The following TRANK1 variants were observed in gnomAD, a reference collection of about 807,000 sequenced individuals.
TRANK1 encodes tetratricopeptide repeat and ankyrin repeat containing 1.
TRANK1 carries 198 observed loss-of-function variants against 266.0 expected under a neutral mutation model. The ratio of observed to expected loss-of-function variants is 0.74; its 90% CI spans 0.66 to 0.84. The LOEUF (loss-of-function observed/expected upper bound fraction) is 0.84. Ranked by LOEUF, TRANK1 falls within the 40% of genes least tolerant of loss-of-function variation. The probability of loss-of-function intolerance (pLI) is 0.00; values close to 1 mark genes in which losing one functional copy is unlikely to be tolerated. For synonymous variants in TRANK1, 1,396 were observed against 1,384.1 expected, an observed-to-expected ratio of 1.01 and a Z score of -0.19; for missense variants, 3,326 against 3,634.6, an observed-to-expected ratio of 0.92 and a Z score of 2.18.
intron 1 of TRANK1, among the ~76,000 whole-genome samples, chr3:36,927,230 C>T (rs769891720): frequency 2.0e-5 from 3 of 149,162 alleles, no homozygotes; most frequent in Non-Finnish European, 4.5e-5. Flanking sequence ...CGTCCCTGGT[C>T]AGCAAGAAGG....
chr3:36,929,451 C>T (rs774750676), intron 1 of TRANK1: 6 of 152,130 alleles, frequency 3.9e-5, no homozygotes, highest in Non-Finnish European at 8.8e-5. Flanking sequence ...CAGGTACTAA[C>T]ATGAAAGTAA....
Position 36,833,740 on chromosome 3 carries a change from C to A in TRANK1, c.5843G>T (p.Arg1948Leu). 6.2e-7 allele frequency: 1 copy of A among 1,613,988 alleles called. No individual in the cohort carries two copies. The highest frequency in any genetic ancestry group is 8.5e-7 in the Non-Finnish European group (1 of 1,179,884). ...CAGCAGGTCTGCAGCTTCTGCTAAG[C>A]GTTTCCGAGACTTCAAGAACACCAG... is the stretch of plus-strand genomic sequence containing the variant. ...DQLVFLKSRK[R>L]LAEAADLLNR... Residue 1948 changes from arginine to leucine, a missense_variant, in exon 22 of 24, where the codon CGC becomes CTC. Coordinates refer to ENST00000645898, the MANE Select transcript of TRANK1 (RefSeq NM_001329998.2).
intron 5 of TRANK1, among the ~76,000 whole-genome samples, chr3:36,894,625 G>C (rs1446085539): frequency 1.3e-5 from 2 of 152,176 alleles, no homozygotes; most frequent in Non-Finnish European, 2.9e-5. Context: ...TGAACCCCCT[G>C]AAACTATACA....
intron 1 of TRANK1, 116 bp from the exon 2 acceptor site, chr3:36,908,570 T>C: frequency 8.1e-7 from 1 of 1,231,032 alleles, no homozygotes; most frequent in Non-Finnish European, 1.0e-6. Context: ...CCACCCACCT[T>C]CAAAGGGCAC....
intron 9 of TRANK1, among the ~76,000 whole-genome samples, chr3:36,870,962 T>TAAAAAA (rs563787088): frequency 3.4e-4 from 22 of 65,092 alleles, no homozygotes; most frequent in East Asian, 4.8e-4. Context: ...ACAAGGAAAC[T>TAAAAAA]AAAAAAAAAA....
chr3:36,832,647 G>C lies in TRANK1; in HGVS notation c.6936C>G (p.His2312Gln). ...GTGCGCTTTCATTTTCAAACAGAAA[G>C]TGGATGTACTCCTTCAAAGCAAATC... ...FYRFALKEYIHFLFENESARN... is the reference protein window; with the variant it reads ...FYRFALKEYIQFLFENESARN... The change falls in exon 22 of 24, where the codon CAC (histidine) becomes CAG (glutamine). Residue 2312 changes from histidine (H) to glutamine (Q), a missense_variant. Physicochemically the swap from His to Gln is conservative, Grantham distance 24 (BLOSUM62 0). Transcript: ENST00000645898. 1 of 1,613,974 alleles carries C rather than the reference G, an allele frequency of 6.2e-7. No homozygotes were observed. The highest frequency in any genetic ancestry group is 8.5e-7 in the Non-Finnish European group (1 of 1,179,890).
At position 36,857,305 on chromosome 3, in the gene TRANK1, C is replaced by T. The variant is rs764455555; in HGVS notation, c.2417G>A (p.Arg806Lys). Reference protein sequence around the residue: ...GALQLVPDDNRGKEGNDDQDD... With the variant: ...GALQLVPDDNKGKEGNDDQDD... ...CTGATCATCATTGCCCTCCTTCCCC[C>T]TGTTATCATCAGGCACAAGCTGCAA... The change falls in exon 13 of 24, where the codon AGG becomes AAG. Residue 806 changes from arginine to lysine, a missense_variant. By Grantham distance (26) the Arg-to-Lys change is conservative. Coordinates refer to ENST00000645898, the MANE Select transcript of TRANK1 (RefSeq NM_001329998.2). This position sits in a 1 kb window ranked among gnomAD's most constrained non-coding sequence, Gnocchi z 4.3. The T allele has an allele frequency of 8.7e-6, 14 of 1,609,000 alleles. No homozygotes were observed. The highest frequency in any genetic ancestry group is 1.3e-5 in the African/African-American group (1 of 74,840).
chr3:36,857,384 C>T lies in TRANK1; in HGVS notation c.2338G>A (p.Ala780Thr), dbSNP rs775226331. 3.1e-6 allele frequency: 5 copies of T among 1,610,622 alleles called. No individual in the cohort carries two copies. Among genetic ancestry groups the T allele is most frequent in the South Asian group, 1.1e-5 (1 of 90,360 alleles). ...KDDKPTLGAG[A>T]PDCSEVGEGH... ...TCCCCCACCTCACTACAGTCAGGGG[C>T]CCCTGCACCCAGAGTCGGCTTGTCA... is the stretch of plus-strand genomic sequence containing the variant. Residue 780 changes from alanine (A) to threonine (T), a missense_variant, in exon 13 of 24, where the codon GCC becomes ACC. By Grantham distance (58) the Ala-to-Thr change is moderately conservative. Coordinates refer to ENST00000645898, the MANE Select transcript of TRANK1 (RefSeq NM_001329998.2). The surrounding 1 kb of genome is among the most constrained non-coding windows in gnomAD (Gnocchi z 4.3).
chr3:36,845,135 T>C (rs1214727530), intron 17 of TRANK1, among the ~76,000 whole-genome samples: 1 of 152,096 alleles, frequency 6.6e-6, no homozygotes, highest in East Asian at 1.9e-4. Context: ...GACAACCCCA[T>C]ACCCACCAAT....
intron 1 of TRANK1, among the ~76,000 whole-genome samples, chr3:36,927,842 A>C (rs2080309371): frequency 6.6e-6 from 1 of 152,162 alleles, no homozygotes; most frequent in Non-Finnish European, 1.5e-5. Context: ...GTTTCCCCAA[A>C]TTTTGGAGTG....
intron 1 of TRANK1, among the ~76,000 whole-genome samples, chr3:36,929,924 G>C (rs538946480): frequency 9.8e-6 from 1 of 102,126 alleles, no homozygotes; most frequent in East Asian, 2.7e-4. Context: ...TTGTTGTTTT[G>C]AGACGGAGTT....
At chr3:36,917,503 C>T (rs562571136) in intron 1 of TRANK1, among the ~76,000 whole-genome samples, 5 of 152,238 alleles carry the variant, frequency 3.3e-5, no homozygotes, top group South Asian at 4.2e-4. Flanking sequence ...AGGTCATCCC[C>T]GTACCAGGAC....
chr3:36,907,339 G>A (rs768846495), intron 2 of TRANK1, among the ~76,000 whole-genome samples: 22 of 151,772 alleles, frequency 1.4e-4, no homozygotes, highest in Non-Finnish European at 2.4e-4. Context: ...TAGTAGAGAT[G>A]GGGTTTCACC....
In TRANK1 at chr3:36,892,220, G is replaced by T. The variant is rs1378127521; in HGVS notation, c.757C>A (p.Arg253=). 2 of 1,536,930 alleles carry T rather than the reference G, an allele frequency of 1.3e-6. No homozygotes were observed. The highest frequency in any genetic ancestry group is 1.7e-6 in the Non-Finnish European group (2 of 1,146,760). ...GACTCACTGGCTTGGATACAGAGTC[G>T]CATGAGGGCATGAAGGGGATACGGT... is the stretch of plus-strand genomic sequence containing the variant. ...IGPYPLHALM[R]LCIQARENHL... The change falls in exon 7 of 24, where the codon CGA becomes AGA. Residue 253 remains arginine, a synonymous_variant. Transcript: ENST00000645898.
intron 1 of TRANK1, among the ~76,000 whole-genome samples, chr3:36,930,804 G>T (rs1250011539): frequency 6.6e-6 from 1 of 152,040 alleles, no homozygotes; most frequent in South Asian, 2.1e-4. Context: ...ACTGGAAAGG[G>T]GTATCAGTGA....
At chr3:36,873,926 C>A (rs1269482652) in intron 9 of TRANK1, among the ~76,000 whole-genome samples, 200 bp downstream of exon 9, 1 of 147,422 alleles carries the variant, frequency 6.8e-6, no homozygotes, top group Non-Finnish European at 1.5e-5. Flanking sequence ...CATAGCATCT[C>A]TCTAAATAAG....
chr3:36,916,597 G>T (rs377194622), intron 1 of TRANK1, among the ~76,000 whole-genome samples: 2 of 152,132 alleles, frequency 1.3e-5, no homozygotes, highest in East Asian at 1.9e-4. Context: ...GATACTTCCA[G>T]ATCATCCTGG....
At chr3:36,853,629 T>C (rs2079013457) in intron 13 of TRANK1, among the ~76,000 whole-genome samples, 1 of 152,112 alleles carries the variant, frequency 6.6e-6, no homozygotes, top group East Asian at 1.9e-4. Context: ...TCTAGGGAAC[T>C]AGACAAGTAA....
chr3:36,930,826 G>C (rs1019435426), intron 1 of TRANK1, among the ~76,000 whole-genome samples: 3 of 152,194 alleles, frequency 2.0e-5, no homozygotes, highest in African/African-American at 7.2e-5. Context: ...CTTTCTGGAA[G>C]AATGGAAATG....
Sources: allele counts gnomAD v4.1 joint callset (sites outside exome capture counted in the v4.1 genomes callset), GRCh38; gene constraint gnomAD v4.1.1; non-coding constraint Gnocchi (gnomAD v3.1); transcripts MANE v1.5; gene names NCBI Gene and HGNC (gene_info 2026-07-23, HGNC 2026-07-21).